The following CDK14 variants were observed in gnomAD, a reference collection of about 807,000 sequenced individuals.
CDK14 encodes cyclin-dependent kinase 14.
CDK14 carries 34 observed loss-of-function variants against 60.7 expected under a neutral mutation model. That is an observed-to-expected ratio of 0.56 (90% CI 0.43 to 0.75). The LOEUF (loss-of-function observed/expected upper bound fraction) is 0.75, where lower values mean the gene tolerates loss of function less well. Among genes scored for constraint, CDK14 ranks in the 30% least tolerant of loss-of-function variants. CDK14 has a pLI of 0.00. For missense variants in CDK14, 482 were observed against 564.1 expected (o/e 0.85, Z 1.47); for synonymous variants, 197 against 203.7 (o/e 0.97, Z 0.28).
intron 2 of CDK14, among the ~76,000 whole-genome samples, chr7:90,635,450 G>T (rs1800119491): frequency 6.6e-6 from 1 of 152,156 alleles, no homozygotes; most frequent in Non-Finnish European, 1.5e-5. Flanking sequence ...TTGTAGATAT[G>T]TGGTGTTATT....
chr7:91,021,431 A>G (rs1368760790), intron 10 of CDK14, among the ~76,000 whole-genome samples: 2 of 152,204 alleles, frequency 1.3e-5, no homozygotes, highest in African/African-American at 2.4e-5. Flanking sequence ...AGAAATTTCT[A>G]TATATGATAG....
chr7:91,057,573 A>C lies in CDK14; in HGVS notation c.1105+11613A>C, dbSNP rs971390580. Among the ~76,000 whole-genome samples the C allele has an allele frequency of 1.8e-4, 27 of 152,134 alleles. No homozygotes were observed. The East Asian group carries it at 2.1e-3, about 12-fold the overall frequency. On this transcript the variant is annotated intron_variant, in intron 11 of 14. Transcript: ENST00000380050. ...TTAAGTCTTTAATCCATCTTGAATTAATTTTTGTATAAGGTATAAGGAAGG... is the reference window on the plus strand; with the variant it reads ...TTAAGTCTTTAATCCATCTTGAATTCATTTTTGTATAAGGTATAAGGAAGG...
chr7:90,800,198 T>C (rs1788586671), intron 5 of CDK14, among the ~76,000 whole-genome samples: 1 of 152,184 alleles, frequency 6.6e-6, no homozygotes, highest in South Asian at 2.1e-4. Flanking sequence ...CTATTAGAAT[T>C]CTATGGAAAC....
intron 14 of CDK14, among the ~76,000 whole-genome samples, chr7:91,177,500 G>A (rs914464122): frequency 2.6e-5 from 4 of 151,928 alleles, no homozygotes; most frequent in African/African-American, 4.8e-5. Context: ...TATTCAATTA[G>A]GAAAAGAGGA....
chr7:90,754,266 T>G (rs780533827), intron 4 of CDK14, among the ~76,000 whole-genome samples: 1 of 152,082 alleles, frequency 6.6e-6, no homozygotes, highest in Non-Finnish European at 1.5e-5. Context: ...AGCATGATAC[T>G]AGTACAAAAA....
chr7:90,632,593 CTTT>C (rs1386080985), intron 2 of CDK14: 1 of 153,962 alleles, frequency 6.5e-6, no homozygotes, highest in Non-Finnish European at 1.5e-5. Flanking sequence ...GCTCTTATAT[CTTT>C]TATTATACTG....
intron 6 of CDK14, among the ~76,000 whole-genome samples, chr7:90,889,476 T>C (rs1792049150): frequency 6.6e-6 from 1 of 152,190 alleles, no homozygotes; most frequent in Non-Finnish European, 1.5e-5. Context: ...AAATGACAGC[T>C]GAAATCATTT....
At chr7:90,625,712 C>G (rs1466355088) in intron 2 of CDK14, among the ~76,000 whole-genome samples, 1 of 152,300 alleles carries the variant, frequency 6.6e-6, no homozygotes, top group East Asian at 1.9e-4. Flanking sequence ...CTCACCCATC[C>G]CCCAGCATGC....
rs183883271 is a variant in CDK14, at chr7:90,663,467, T to C, written c.123+59218T>C. On this transcript the variant is annotated intron_variant, in intron 2 of 14. Coordinates refer to ENST00000380050, the MANE Select transcript of CDK14 (RefSeq NM_001287135.2). Reference sequence around the variant, plus strand: ...AACCTGCATTCTCCAGTTCTTCCCCTCCTTCAGTGTGTTAGTTTATGCCTT... The same window carrying C: ...AACCTGCATTCTCCAGTTCTTCCCCCCCTTCAGTGTGTTAGTTTATGCCTT... Among the ~76,000 whole-genome samples, 9 of 152,288 alleles carry C rather than the reference T, an allele frequency of 5.9e-5. No individual in the cohort carries two copies. The East Asian group carries it at 1.7e-3, about 29-fold the overall frequency.
chr7:90,601,057 C>T (rs1201113208), intron 1 of CDK14, among the ~76,000 whole-genome samples: 1 of 152,228 alleles, frequency 6.6e-6, no homozygotes, highest in Non-Finnish European at 1.5e-5. Context: ...TTGGAGAACA[C>T]AGGAGGAGCA....
chr7:90,600,882 T>G (rs368100451), intron 1 of CDK14, among the ~76,000 whole-genome samples: 3 of 152,330 alleles, frequency 2.0e-5, no homozygotes, highest in East Asian at 3.9e-4. Flanking sequence ...AACAAATAAT[T>G]ATTTAGTACC....
At chr7:91,004,280 AGAAAG>A (rs1795920937) in intron 10 of CDK14, among the ~76,000 whole-genome samples, 1 of 152,254 alleles carries the variant, frequency 6.6e-6, no homozygotes, top group African/African-American at 2.4e-5. Flanking sequence ...TACTAAGAAA[AGAAAG>A]AAGAGATGTC....
rs1417415784 is a variant in CDK14, at chr7:91,045,885, A to G, written c.1042-12A>G. On this transcript the variant is annotated splice_polypyrimidine_tract_variant and intron_variant, in intron 10 of 14. Coordinates refer to ENST00000380050, the MANE Select transcript of CDK14 (RefSeq NM_001287135.2). ...AATAAGGCTGTTTCCACAATCTCCT[A>G]CTCTCCACTAGGTTCTTGGAACACC... 3.8e-6 allele frequency: 6 copies of G among 1,587,282 alleles called. No individual in the cohort carries two copies. Among genetic ancestry groups the G allele is most frequent in the Non-Finnish European group, 5.2e-6 (6 of 1,156,144 alleles).
At chr7:90,786,397 A>G (rs1202499569) in intron 4 of CDK14, among the ~76,000 whole-genome samples, 1 of 152,178 alleles carries the variant, frequency 6.6e-6, no homozygotes, top group East Asian at 1.9e-4. Context: ...AACAGCTCTA[A>G]TTTATTGATT....
At chr7:90,947,358 A>G (rs979463944) in intron 8 of CDK14, among the ~76,000 whole-genome samples, 5 of 152,134 alleles carry the variant, frequency 3.3e-5, no homozygotes, top group Admixed American at 1.3e-4. Context: ...ACCTGTTCCC[A>G]AGTTCCCAGT....
rs1042673341 is a variant in CDK14 at position 90,749,336 on chromosome 7, A to C, written c.464+1561A>C. On this transcript the variant is annotated intron_variant, in intron 4 of 14. Transcript: ENST00000380050. Reference sequence around the variant, plus strand: ...AGTCAGATCTCCAAGCATTCAAAGCACCTGCTCACCTCATCTGGATTGGCA... The same window carrying C: ...AGTCAGATCTCCAAGCATTCAAAGCCCCTGCTCACCTCATCTGGATTGGCA... Among the ~76,000 whole-genome samples the C allele has an allele frequency of 5.3e-5, 8 of 152,104 alleles. No individual in the cohort carries two copies. The East Asian group carries it at 1.5e-3, about 29-fold the overall frequency.
intron 3 of CDK14, among the ~76,000 whole-genome samples, chr7:90,731,709 G>A (rs934033483): frequency 6.6e-6 from 1 of 152,188 alleles, no homozygotes; most frequent in African/African-American, 2.4e-5. Flanking sequence ...AGACTTTGTT[G>A]AAGTTGCTTA....
intron 9 of CDK14, among the ~76,000 whole-genome samples, chr7:90,980,129 A>G (rs1361119248): frequency 2.0e-5 from 3 of 152,158 alleles, no homozygotes; most frequent in Non-Finnish European, 4.4e-5. Flanking sequence ...TACCTGAGAC[A>G]TAAATTAAAT....
At position 91,054,088 on chromosome 7, in the gene CDK14, A is replaced by ATTTTTT. The variant is rs10675646; in HGVS notation, c.1105+8146_1105+8151dup. ...GTTAGGGGCATGTAACTGCAAAATA[A>ATTTTTT]TTTTTTTTTTTTTTTTTTTTTTTAC... On this transcript the variant is annotated intron_variant, in intron 11 of 14. Coordinates refer to ENST00000380050, the MANE Select transcript of CDK14 (RefSeq NM_001287135.2). Among the ~76,000 whole-genome samples the ATTTTTT allele has an allele frequency of 3.6e-3, 410 of 112,918 alleles. 20 individuals are homozygous for ATTTTTT. The highest frequency in any genetic ancestry group is 0.01 in the African/African-American group (282 of 27,532). 74.1% of individuals were successfully genotyped at this position (112,918 alleles called of 152,430 possible).
Sources: allele counts gnomAD v4.1 joint callset (sites outside exome capture counted in the v4.1 genomes callset), GRCh38; gene constraint gnomAD v4.1.1; transcripts MANE v1.5; gene names NCBI Gene and HGNC (gene_info 2026-07-23, HGNC 2026-07-21).